LRP2: variants seen among roughly 807,000 people sequenced by gnomAD.
LRP2 encodes the protein low-density lipoprotein receptor-related protein 2.
A neutral mutation model predicts 531.0 loss-of-function variants in LRP2; 172 were observed. The observed-to-expected ratio is 0.32, with a 90% CI of 0.29 to 0.37. LRP2 has a LOEUF of 0.37. Among genes scored for constraint, LRP2 ranks in the 10% least tolerant of loss-of-function variants. The probability of loss-of-function intolerance (pLI) is 1.00; values close to 1 mark genes in which losing one functional copy is unlikely to be tolerated. For synonymous variants in LRP2, 1,992 were observed against 2,027.6 expected (o/e 0.98, Z 0.47); for missense variants, 5,167 against 5,868.3 (o/e 0.88, Z 3.90).
At chr2:169,169,885 G>T in intron 59 of LRP2, 67 bp from the exon 60 acceptor site, 2 of 1,078,606 alleles carry the variant, frequency 1.9e-6, no homozygotes, top group Non-Finnish European at 1.4e-6. Flanking sequence ...GGTACCTGGA[G>T]TATAGTGGTT....
At chr2:169,297,260 C>T (rs576419276) in intron 4 of LRP2, among the ~76,000 whole-genome samples, 224 of 152,238 alleles carry the variant, frequency 1.5e-3, no homozygotes, top group African/African-American at 5.2e-3. Flanking sequence ...ATTCACAATC[C>T]TTTGAGCTTC....
In LRP2 at chr2:169,338,359, G is replaced by GAAA. The variant is rs1685467009; in HGVS notation, c.80-17476_80-17475insTTT. Among the ~76,000 whole-genome samples, 542 of 76,614 alleles carry GAAA rather than the reference G, an allele frequency of 7.1e-3. 12 individuals are homozygous for GAAA. Among genetic ancestry groups the GAAA allele is most frequent in the Non-Finnish European group, 9.7e-3 (385 of 39,702 alleles). The allele number at this position is 76,614 out of a possible 152,430, so 50.3% of individuals were successfully genotyped here. A position where few individuals can be genotyped will look rare whatever the true frequency, so the allele number is the denominator to read the frequency against. On this transcript the variant is annotated intron_variant, in intron 1 of 78. Coordinates refer to ENST00000649046, the MANE Select transcript of LRP2 (RefSeq NM_004525.3). ...GAGAAAGAAAGAAGGAAAGAAAGAA[G>GAAA]GAAAGAAAGAAAGAAAGAAAGAAAG...
chr2:169,209,911 A>G (rs1426806271), intron 37 of LRP2, among the ~76,000 whole-genome samples: 3 of 152,160 alleles, frequency 2.0e-5, no homozygotes, highest in East Asian at 1.9e-4. Flanking sequence ...ATCTTATTGT[A>G]CCAAGAAACA....
chr2:169,174,174 G>A lies in LRP2; in HGVS notation c.10769-10C>T, dbSNP rs759193631. The A allele has an allele frequency of 4.3e-6, 7 of 1,614,194 alleles. No homozygotes were observed. The highest frequency in any genetic ancestry group is 5.9e-6 in the Non-Finnish European group (7 of 1,180,046). ...TCACAGTGGTGATTCTCTGAGAGCA[G>A]GGACATTTGGTTATCAGCTTGGAAG... On this transcript the variant is annotated splice_polypyrimidine_tract_variant and intron_variant, in intron 55 of 78. Transcript: ENST00000649046.
chr2:169,173,147 C>T lies in LRP2; in HGVS notation c.11092G>A (p.Val3698Met), dbSNP rs34355135. 9,533 of 1,614,150 alleles carry T rather than the reference C, an allele frequency of 5.9e-3. 49 individuals are homozygous for T. Among genetic ancestry groups the T allele is most frequent in the Middle Eastern group, 0.015 (88 of 6,062 alleles). Residue 3698 changes from valine to methionine, a missense_variant, in exon 57 of 79, where the codon GTG becomes ATG. Val to Met is a conservative substitution (Grantham distance 21). Transcript: ENST00000649046. ...TNYRCIPKWA[V>M]CNGVDDCRDN... is the part of the protein sequence containing the mutation. The stretch of plus-strand genomic sequence containing the variant: ...CTGCAGTCATCTACACCATTGCACA[C>T]GGCCCACTTTGGGATGCAGCGGTAA...
chr2:169,314,785 G>A (rs902213457), intron 3 of LRP2, among the ~76,000 whole-genome samples: 4 of 152,220 alleles, frequency 2.6e-5, no homozygotes, highest in Non-Finnish European at 5.9e-5. Context: ...TTAAGTGTCT[G>A]AATTCTGCCC....
At chr2:169,304,792 T>C (rs1004212912) in intron 4 of LRP2, among the ~76,000 whole-genome samples, 4 of 152,166 alleles carry the variant, frequency 2.6e-5, no homozygotes, top group East Asian at 3.8e-4. Context: ...CTATTTATAA[T>C]AGCAAAGACT....
At chr2:169,234,684 C>G (rs558108871) in intron 29 of LRP2, among the ~76,000 whole-genome samples, 1 of 152,128 alleles carries the variant, frequency 6.6e-6, no homozygotes, top group Non-Finnish European at 1.5e-5. Context: ...GTTCTAGATC[C>G]CTGAGGAATT....
intron 4 of LRP2, among the ~76,000 whole-genome samples, chr2:169,306,354 T>C (rs1684418064): frequency 1.3e-5 from 2 of 151,750 alleles, no homozygotes; most frequent in African/African-American, 4.8e-5. Flanking sequence ...ACCAACATGG[T>C]GAAATGCCAT....
chr2:169,308,328 C>G (rs1006551903), intron 3 of LRP2, among the ~76,000 whole-genome samples: 1 of 152,176 alleles, frequency 6.6e-6, no homozygotes, highest in Admixed American at 6.5e-5. Context: ...CCCCCATTAA[C>G]TAGTCATTTA....
rs1364466785 is a variant in LRP2, at chr2:169,275,234, T to A, written c.1777A>T (p.Thr593Ser). ...ATGAGGGAGCCTCCATGAACTACAGTCTTCCTGTTATAAAAGACACATATA... is the reference window on the plus strand; with the variant it reads ...ATGAGGGAGCCTCCATGAACTACAGACTTCCTGTTATAAAAGACACATATA... ...TVTYDGIQRKTVVHGGSLIPH... is the reference protein window; with the variant it reads ...TVTYDGIQRKSVVHGGSLIPH... The change falls in exon 14 of 79, where the codon ACT becomes TCT. Residue 593 changes from threonine (T) to serine (S), a missense_variant. Physicochemically the swap from Thr to Ser is moderately conservative, Grantham distance 58. Transcript: ENST00000649046. 4 of 1,612,190 alleles carry A rather than the reference T, an allele frequency of 2.5e-6. No homozygotes were observed. The highest frequency in any genetic ancestry group is 3.4e-6 in the Non-Finnish European group (4 of 1,178,582).
intron 70 of LRP2, among the ~76,000 whole-genome samples, chr2:169,145,312 T>G (rs1227134677): frequency 6.6e-6 from 1 of 152,196 alleles, no homozygotes; most frequent in African/African-American, 2.4e-5. Context: ...GACTGGCCAT[T>G]TTAAACTAAG....
intron 21 of LRP2, among the ~76,000 whole-genome samples, chr2:169,245,595 T>C (rs1375744934): frequency 1.3e-5 from 2 of 152,206 alleles, no homozygotes; most frequent in African/African-American, 4.8e-5. Context: ...TCAACTGTCC[T>C]CTATCTTTTT....
chr2:169,164,992 A>G (rs1030427057), intron 62 of LRP2, among the ~76,000 whole-genome samples: 2 of 152,246 alleles, frequency 1.3e-5, no homozygotes, highest in Non-Finnish European at 2.9e-5. Flanking sequence ...AAATAAACAT[A>G]TTAATGCTAT....
At chr2:169,255,010 A>G (rs1204042752) in intron 19 of LRP2, among the ~76,000 whole-genome samples, 1 of 152,120 alleles carries the variant, frequency 6.6e-6, no homozygotes, top group African/African-American at 2.4e-5. Flanking sequence ...AGGACAAGAT[A>G]TGCAATATAC....
chr2:169,201,577 G>A, intron 44 of LRP2, 51 bp downstream of exon 44: 1 of 1,611,980 alleles, frequency 6.2e-7, no homozygotes, highest in Non-Finnish European at 8.5e-7. Flanking sequence ...CATCTCCTGT[G>A]ATCCAAGACT....
At chr2:169,170,511 A>AGT in intron 59 of LRP2, 40 bp downstream of exon 59, 1 of 1,499,094 alleles carries the variant, frequency 6.7e-7, no homozygotes, top group South Asian at 1.1e-5. Flanking sequence ...ACACTGTCAC[A>AGT]GTACAAAATT....
intron 1 of LRP2, among the ~76,000 whole-genome samples, chr2:169,324,630 GA>G (rs11324299): frequency 0.37 from 52,928 of 141,372 alleles, 9,520 homozygotes; most frequent in African/African-American, 0.44. Flanking sequence ...AAAGCTAGGG[GA>G]AAAAAAAAAA....
chr2:169,330,828 T>C (rs1685244332), intron 1 of LRP2, among the ~76,000 whole-genome samples: 1 of 152,066 alleles, frequency 6.6e-6, no homozygotes, highest in Admixed American at 6.5e-5. Context: ...CAAAATTATC[T>C]TAGCCCACAT....
Sources: allele counts gnomAD v4.1 joint callset (sites outside exome capture counted in the v4.1 genomes callset), GRCh38; gene constraint gnomAD v4.1.1; transcripts MANE v1.5; gene names NCBI Gene and HGNC (gene_info 2026-07-23, HGNC 2026-07-21).